Variants in SPAG16 observed in about 807,000 individuals in gnomAD.
SPAG16 encodes the protein sperm associated antigen 16, also known as sperm-associated antigen 16 protein.
In SPAG16, 86 loss-of-function variants were observed where a neutral mutation model predicts 80.4. The observed-to-expected ratio is 1.07, with a 90% CI of 0.90 to 1.28. The LOEUF is 1.28. SPAG16 is among the 50% of genes most tolerant of loss of function. The probability of loss-of-function intolerance (pLI) is 0.00; values close to 1 mark genes in which losing one functional copy is unlikely to be tolerated. For missense variants in SPAG16, 870 were observed against 765.3 expected (o/e 1.14, Z -1.61); for synonymous variants, 294 against 265.9 (o/e 1.11, Z -1.03).
chr2:214,199,798 C>G (rs886545925), intron 15 of SPAG16, among the ~76,000 whole-genome samples: 1 of 152,004 alleles, frequency 6.6e-6, no homozygotes, highest in African/African-American at 2.4e-5. Flanking sequence ...TGTAATTTTC[C>G]TTGTACAGAT....
chr2:214,084,869 A>G (rs553074305), intron 13 of SPAG16, among the ~76,000 whole-genome samples: 2 of 152,360 alleles, frequency 1.3e-5, no homozygotes, highest in East Asian at 3.9e-4. Flanking sequence ...AGCAGAATAA[A>G]ACAATATCTC....
At chr2:213,606,559 A>G (rs1383458068) in intron 10 of SPAG16, among the ~76,000 whole-genome samples, 1 of 152,240 alleles carries the variant, frequency 6.6e-6, no homozygotes. Flanking sequence ...AATTACAAAT[A>G]ATGTGGCATG....
chr2:213,864,359 T>G (rs993357995), intron 11 of SPAG16, among the ~76,000 whole-genome samples: 2 of 152,132 alleles, frequency 1.3e-5, no homozygotes, highest in Non-Finnish European at 2.9e-5. Context: ...ATGAAGATAA[T>G]ATATTTCCTA....
intron 11 of SPAG16, among the ~76,000 whole-genome samples, chr2:213,871,442 C>T (rs1401308651): frequency 6.6e-6 from 1 of 151,844 alleles, no homozygotes; most frequent in Non-Finnish European, 1.5e-5. Context: ...TTTCTCCAGT[C>T]CTAAATAGAA....
intron 12 of SPAG16, among the ~76,000 whole-genome samples, chr2:213,937,528 A>T (rs1418923291): frequency 1.3e-5 from 2 of 152,034 alleles, no homozygotes; most frequent in Non-Finnish European, 2.9e-5. Flanking sequence ...TTTCAAGTAC[A>T]TTCAAATGAA....
chr2:214,336,902 C>A, intron 15 of SPAG16, among the ~76,000 whole-genome samples: 2 of 39,252 alleles, frequency 5.1e-5, no homozygotes, highest in Non-Finnish European at 1.6e-4. Context: ...AATTTTCTAA[C>A]AGTATAAAGA....
intron 15 of SPAG16, among the ~76,000 whole-genome samples, chr2:214,367,895 C>T (rs908209407): frequency 6.6e-6 from 1 of 152,256 alleles, no homozygotes; most frequent in East Asian, 1.9e-4. Flanking sequence ...CAATAAACAT[C>T]ATTCTCACAA....
chr2:214,336,324 T>C (rs1034061113), intron 15 of SPAG16, among the ~76,000 whole-genome samples: 1 of 152,212 alleles, frequency 6.6e-6, no homozygotes, highest in African/African-American at 2.4e-5. Flanking sequence ...CTTTGGAGCA[T>C]AATCCAGTTA....
chr2:213,421,070 G>C (rs1206647323), intron 9 of SPAG16, among the ~76,000 whole-genome samples: 2 of 151,810 alleles, frequency 1.3e-5, no homozygotes, highest in Non-Finnish European at 2.9e-5. Flanking sequence ...CTCCTACCAA[G>C]TGGTGGAGCA....
Position 213,459,151 on chromosome 2 carries a change from T to A in SPAG16, c.943-30812T>A, listed in dbSNP as rs535436315. Among the ~76,000 whole-genome samples, 118 of 152,344 alleles carry A rather than the reference T, an allele frequency of 7.7e-4. 1 individual carries two copies. Among genetic ancestry groups the A allele is most frequent in the African/African-American group, 2.7e-3 (113 of 41,582 alleles). ...CAGCCAGTTGCTTTCTTTGGATTAG[T>A]CTTCCAGTTCACAAATTAAAGGTTG... On this transcript the variant is annotated intron_variant, in intron 9 of 15. Coordinates refer to ENST00000331683, the MANE Select transcript of SPAG16 (RefSeq NM_024532.5).
intron 10 of SPAG16, among the ~76,000 whole-genome samples, chr2:213,624,526 A>C (rs777003147): frequency 1.3e-5 from 2 of 152,194 alleles, no homozygotes; most frequent in Non-Finnish European, 2.9e-5. Context: ...GCTAAAAACT[A>C]TAAGTAGGGT....
At chr2:214,322,598 G>A (rs2125996169) in intron 15 of SPAG16, among the ~76,000 whole-genome samples, 1 of 151,736 alleles carries the variant, frequency 6.6e-6, no homozygotes, top group South Asian at 2.1e-4. Context: ...TATAAAGTTG[G>A]GGTATATTTT....
chr2:214,295,568 A>G (rs1694074994), intron 15 of SPAG16, among the ~76,000 whole-genome samples: 1 of 152,106 alleles, frequency 6.6e-6, no homozygotes, highest in Non-Finnish European at 1.5e-5. Context: ...AGGTGGGTGG[A>G]TTGCTTTAGC....
intron 10 of SPAG16, among the ~76,000 whole-genome samples, chr2:213,736,852 G>T (rs971544596): frequency 2.0e-5 from 3 of 151,360 alleles, no homozygotes; most frequent in African/African-American, 4.9e-5. Flanking sequence ...TTACAGGCGC[G>T]CACCACCATG....
chr2:213,988,417 GA>G (rs757181395), intron 12 of SPAG16, among the ~76,000 whole-genome samples: 1 of 152,066 alleles, frequency 6.6e-6, no homozygotes, highest in African/African-American at 2.4e-5. Flanking sequence ...GAACAAAACT[GA>G]ATTAAATTAG....
intron 10 of SPAG16, among the ~76,000 whole-genome samples, chr2:213,824,879 C>A (rs1429186884): frequency 6.6e-6 from 1 of 152,046 alleles, no homozygotes; most frequent in Non-Finnish European, 1.5e-5. Flanking sequence ...AATATTCTTT[C>A]ATTTTTTGTC....
intron 15 of SPAG16, among the ~76,000 whole-genome samples, chr2:214,279,104 T>TTTTCAAGC (rs1491114587): frequency 2.7e-5 from 1 of 36,458 alleles, no homozygotes; most frequent in East Asian, 1.5e-3. Flanking sequence ...TGAAACAAGC[T>TTTTCAAGC]TTTTTTTTTT....
intron 13 of SPAG16, among the ~76,000 whole-genome samples, chr2:214,029,431 G>A (rs1010051461): frequency 3.9e-5 from 6 of 152,118 alleles, no homozygotes; most frequent in East Asian, 1.9e-4. Flanking sequence ...GGAGGGCTTC[G>A]AGCAAAGAGG....
intron 10 of SPAG16, among the ~76,000 whole-genome samples, chr2:213,552,439 T>C (rs1426570580): frequency 6.6e-6 from 1 of 152,204 alleles, no homozygotes; most frequent in Non-Finnish European, 1.5e-5. Context: ...CCTTAGCATA[T>C]GCTCTGGTTT....
Sources: gnomAD v4.1 joint callset for allele counts (sites outside exome capture counted in the v4.1 genomes callset) on GRCh38, gnomAD v4.1.1 for gene constraint, MANE v1.5 for transcripts, NCBI Gene and HGNC (gene_info 2026-07-23, HGNC 2026-07-21) for gene names.